Variants in ADA2 observed in about 807,000 individuals in gnomAD.
ADA2 encodes the protein adenosine deaminase CECR1.
ADA2 carries 29 observed loss-of-function variants against 44.2 expected under a neutral mutation model. The ratio of observed to expected loss-of-function variants is 0.66; its 90% CI spans 0.49 to 0.89. The LOEUF is 0.89. ADA2 is among the 40% of genes least tolerant of loss of function. ADA2 has a pLI of 0.00. For missense variants in ADA2, 637 were observed against 644.8 expected (o/e 0.99, Z 0.13); for synonymous variants, 215 against 234.9 (o/e 0.92, Z 0.77).
At chr22:17,212,948 C>T (rs1158231298) in intron 1 of ADA2, among the ~76,000 whole-genome samples, 2 of 124,912 alleles carry the variant, frequency 1.6e-5, no homozygotes, top group Admixed American at 1.8e-4. Context: ...TACCACTACA[C>T]TCAGCTAATT....
rs151037493 is a variant in ADA2, at chr22:17,197,645, C to T, written c.754-5835G>A. On this transcript the variant is annotated intron_variant, in intron 4 of 9. Transcript: ENST00000399837. Reference sequence around the variant, plus strand: ...AGAAGTGTTGAGCTTCTACTACATGCCAGGCATATGCAGGGGGCTTTATGC... The same window carrying T: ...AGAAGTGTTGAGCTTCTACTACATGTCAGGCATATGCAGGGGGCTTTATGC... Among the ~76,000 whole-genome samples the T allele has an allele frequency of 2.6e-5, 4 of 152,308 alleles. No individual in the cohort carries two copies. In the East Asian group the frequency reaches 7.7e-4, roughly 29 times the overall value.
At chr22:17,199,095 C>T (rs1296974056) in intron 4 of ADA2, among the ~76,000 whole-genome samples, 3 of 152,136 alleles carry the variant, frequency 2.0e-5, no homozygotes, top group East Asian at 1.9e-4. Flanking sequence ...AGGGTCAGAC[C>T]CGAACAAATG....
intron 4 of ADA2, chr22:17,199,447 C>CCCTCCCCTCCTCTATCCTCTTCCCCTT: frequency 8.9e-7 from 1 of 1,119,264 alleles, no homozygotes; most frequent in Non-Finnish European, 1.4e-6. Flanking sequence ...CTCTTCCCCT[C>CCCTCCCCTCCTCTATCCTCTTCCCCTT]CACCCACGAA....
chr22:17,182,867 GC>G (rs1229577137), intron 7 of ADA2, 106 bp from the exon 8 acceptor site: 16 of 1,095,412 alleles, frequency 1.5e-5, no homozygotes, highest in African/African-American at 3.3e-5. Context: ...CAAATAAACA[GC>G]CCCCCAAGCA....
intron 8 of ADA2, 118 bp from the exon 9 acceptor site, chr22:17,182,140 AG>A: frequency 7.8e-6 from 6 of 770,028 alleles, no homozygotes; most frequent in Non-Finnish European, 1.3e-5. Flanking sequence ...CTATCTCCCC[AG>A]TATGGGGATG....
At chr22:17,189,331 C>T (rs1042757778) in intron 6 of ADA2, among the ~76,000 whole-genome samples, 5 of 152,066 alleles carry the variant, frequency 3.3e-5, no homozygotes, top group African/African-American at 1.2e-4. Flanking sequence ...ATGAGATTGC[C>T]GAGCTGTCAC....
At chr22:17,188,511 C>T (rs934506220) in intron 6 of ADA2, 64 bp from the exon 7 acceptor site, 41 of 1,112,788 alleles carry the variant, frequency 3.7e-5, no homozygotes, top group African/African-American at 1.2e-4. Flanking sequence ...TGATGGCGCG[C>T]CCTGGAGCCT....
chr22:17,195,777 T>G (rs2062182619), intron 4 of ADA2, among the ~76,000 whole-genome samples: 1 of 150,788 alleles, frequency 6.6e-6, no homozygotes, highest in South Asian at 2.1e-4. Flanking sequence ...TTTTTTTTTT[T>G]TGAGACGGAG....
rs192849293 is a variant in ADA2, at chr22:17,206,666, G to T, written c.542+405C>A. Reference sequence around the variant, plus strand: ...GCTCATGCTTTTTTTTTGAGATAGGGTTTTATTTTGTCACTCAGGCTGGAG... The same window carrying T: ...GCTCATGCTTTTTTTTTGAGATAGGTTTTTATTTTGTCACTCAGGCTGGAG... On this transcript the variant is annotated intron_variant, in intron 3 of 9. Transcript: ENST00000399837. Among the ~76,000 whole-genome samples, 92 of 152,074 alleles carry T rather than the reference G, an allele frequency of 6.0e-4. 1 individual carries two copies. In the East Asian group the frequency reaches 0.015, roughly 25 times the overall value.
chr22:17,180,363 G>A lies in ADA2; in HGVS notation c.*1120C>T, dbSNP rs1568964036. 1.3e-5 allele frequency: 2 copies of A among 152,126 alleles called. No homozygotes were observed. Among genetic ancestry groups the A allele is most frequent in the African/African-American group, 2.4e-5 (1 of 41,402 alleles). The allele number at this position is 152,126 out of a possible 1,614,324, so 9.4% of individuals were successfully genotyped here. On this transcript the variant is annotated 3_prime_UTR_variant, in exon 10 of 10. Coordinates refer to ENST00000399837, the MANE Select transcript of ADA2 (RefSeq NM_001282225.2). ...GACCGCGCAGCATCAAGAAGCCACC[G>A]CTGGAGTCCAGATGAGGGATGCGTT...
upstream of ADA2, among the ~76,000 whole-genome samples, chr22:17,219,778 A>C (rs2062509456): frequency 6.8e-6 from 1 of 147,082 alleles, no homozygotes. Context: ...GGGTTCAAGC[A>C]GTTCTCCTGC....
chr22:17,211,789 G>A (rs1182526814), intron 1 of ADA2, among the ~76,000 whole-genome samples: 3 of 151,794 alleles, frequency 2.0e-5, no homozygotes, highest in South Asian at 2.1e-4. Flanking sequence ...TTAGCTGGGC[G>A]TGGTGGCATG....
At chr22:17,185,183 T>C (rs1294070843) in intron 7 of ADA2, among the ~76,000 whole-genome samples, 4 of 150,728 alleles carry the variant, frequency 2.7e-5, no homozygotes, top group Admixed American at 2.6e-4. Flanking sequence ...GAGGCCGAGG[T>C]GGGCGGATCA....
Position 17,181,426 on chromosome 22 carries a change from A to T in ADA2, c.*57T>A. The T allele has an allele frequency of 4.4e-6, 5 of 1,124,716 alleles. No individual in the cohort carries two copies. Among genetic ancestry groups the T allele is most frequent in the Non-Finnish European group, 6.8e-6 (5 of 733,534 alleles). 69.7% of individuals were successfully genotyped at this position (1,124,716 alleles called of 1,614,324 possible). A position where few individuals can be genotyped will look rare whatever the true frequency, so the allele number is the denominator to read the frequency against. On this transcript the variant is annotated 3_prime_UTR_variant, in exon 10 of 10. Transcript: ENST00000399837. ...CATGGAGCTGATTCAAGAACGAGTG[A>T]GAGGAAGTGACAGCGTGTGCAAGAA...
At chr22:17,196,549 T>C (rs2062193631) in intron 4 of ADA2, among the ~76,000 whole-genome samples, 1 of 152,044 alleles carries the variant, frequency 6.6e-6, no homozygotes, top group African/African-American at 2.4e-5. Flanking sequence ...CAGGGAAGAA[T>C]AGGGTTCTGT....
chr22:17,182,840 C>T (rs1022412764), intron 7 of ADA2, 79 bp from the exon 8 acceptor site: 75 of 1,481,468 alleles, frequency 5.1e-5, no homozygotes, highest in Admixed American at 2.3e-4. Flanking sequence ...CTGACCCACC[C>T]GCCCCCCGAC....
At chr22:17,182,484 T>A in intron 8 of ADA2, 120 bp downstream of exon 8, 2 of 985,200 alleles carry the variant, frequency 2.0e-6, no homozygotes, top group Non-Finnish European at 3.1e-6. Context: ...GGTAGGAGAG[T>A]GGAGGGATGT....
chr22:17,216,008 G>A (rs2062467479), intron 1 of ADA2, among the ~76,000 whole-genome samples: 1 of 151,562 alleles, frequency 6.6e-6, no homozygotes, highest in African/African-American at 2.4e-5. Flanking sequence ...CCAACATGGT[G>A]AAACCCCATC....
chr22:17,192,864 G>A, intron 4 of ADA2: 1 of 443,754 alleles, frequency 2.3e-6, no homozygotes, highest in South Asian at 1.9e-5. Context: ...CTCTTCCTCG[G>A]CGCTGCCTAC....
Sources: allele counts gnomAD v4.1 joint callset (sites outside exome capture counted in the v4.1 genomes callset), GRCh38; gene constraint gnomAD v4.1.1; transcripts MANE v1.5; gene names NCBI Gene and HGNC (gene_info 2026-07-23, HGNC 2026-07-21).